Variants in RNF169 observed in about 807,000 individuals in gnomAD.
RNF169 encodes the protein ring finger protein 169, also known as E3 ubiquitin-protein ligase RNF169.
Under a neutral mutation model 53.9 loss-of-function variants are expected in RNF169, and 24 were observed. The observed-to-expected ratio is 0.45, with a 90% CI of 0.32 to 0.63. RNF169 has a LOEUF of 0.63. RNF169 is among the 20% of genes least tolerant of loss of function. The pLI is 0.04. For synonymous variants in RNF169, 396 were observed against 363.5 expected, an observed-to-expected ratio of 1.09 and a Z score of -1.02; for missense variants, 883 against 906.2, an observed-to-expected ratio of 0.97 and a Z score of 0.33.
At chr11:74,820,621 T>G (rs1308551527) in intron 4 of RNF169, among the ~76,000 whole-genome samples, 1 of 151,816 alleles carries the variant, frequency 6.6e-6, no homozygotes, top group Non-Finnish European at 1.5e-5. Flanking sequence ...GTGTGTGTGT[T>G]TGGGGAGGGA....
At chr11:74,811,328 G>A (rs483615) in intron 3 of RNF169, among the ~76,000 whole-genome samples, 100,398 of 151,478 alleles carry the variant, frequency 0.66, 34,153 homozygotes, top group African/African-American at 0.81. Context: ...TGCAGCCTTA[G>A]CTTCCCAGGC....
chr11:74,811,498 G>A (rs867204701), intron 3 of RNF169, among the ~76,000 whole-genome samples: 1 of 152,146 alleles, frequency 6.6e-6, no homozygotes, highest in African/African-American at 2.4e-5. Flanking sequence ...GCCTCCCAAA[G>A]TGCTGGGATT....
At chr11:74,750,040 A>G (rs888193160) in intron 1 of RNF169, among the ~76,000 whole-genome samples, 3 of 152,180 alleles carry the variant, frequency 2.0e-5, no homozygotes, top group Non-Finnish European at 4.4e-5. Context: ...TTGGGTTTAA[A>G]AGTTTTGGAA....
At chr11:74,762,317 C>T (rs1396894078) in intron 1 of RNF169, among the ~76,000 whole-genome samples, 1 of 151,816 alleles carries the variant, frequency 6.6e-6, no homozygotes, top group African/African-American at 2.4e-5. Flanking sequence ...CAAAATCATT[C>T]TCCATCCAGC....
intron 3 of RNF169, among the ~76,000 whole-genome samples, chr11:74,814,640 C>T (rs932010488): frequency 6.6e-6 from 1 of 152,078 alleles, no homozygotes; most frequent in Non-Finnish European, 1.5e-5. Flanking sequence ...ATCCACCCAT[C>T]TCAGCCTCAC....
chr11:74,765,806 C>CA (rs35483204), intron 1 of RNF169, among the ~76,000 whole-genome samples: 2,148 of 108,746 alleles, frequency 0.02, 20 homozygotes, highest in South Asian at 0.063. Context: ...GGCAACATCT[C>CA]AAAAAAAAAA....
intron 1 of RNF169, among the ~76,000 whole-genome samples, chr11:74,769,826 C>G (rs1330018938): frequency 6.6e-6 from 1 of 152,204 alleles, no homozygotes; most frequent in Non-Finnish European, 1.5e-5. Flanking sequence ...AACAAGGTCT[C>G]CCTCTGACAT....
intron 1 of RNF169, among the ~76,000 whole-genome samples, chr11:74,767,631 G>A (rs543037876): frequency 2.2e-3 from 331 of 151,988 alleles, no homozygotes; most frequent in Non-Finnish European, 4.1e-3. Context: ...GTGCAGTGGC[G>A]CGATCTTGGC....
Position 74,841,119 on chromosome 11 carries a change from A to G in RNF169, c.*4389A>G, listed in dbSNP as rs976915203. On this transcript the variant is annotated 3_prime_UTR_variant, in exon 6 of 6. Coordinates refer to ENST00000299563, the MANE Select transcript of RNF169 (RefSeq NM_001098638.2). Reference sequence around the variant, plus strand: ...ATTGGAATAATTTTAATTAAATTTAATGATTTTAATTAAGAATTAAAAGCC... The same window carrying G: ...ATTGGAATAATTTTAATTAAATTTAGTGATTTTAATTAAGAATTAAAAGCC... 1.3e-5 allele frequency: 2 copies of G among 152,188 alleles called. No homozygotes were observed. The highest frequency in any genetic ancestry group is 1.3e-4 in the Admixed American group (2 of 15,282). The allele number at this position is 152,188 out of a possible 1,614,324, so 9.4% of individuals were successfully genotyped here. A position where few individuals can be genotyped will look rare whatever the true frequency, so the allele number is the denominator to read the frequency against.
At chr11:74,761,873 C>T (rs1319327797) in intron 1 of RNF169, among the ~76,000 whole-genome samples, 1 of 147,752 alleles carries the variant, frequency 6.8e-6, no homozygotes, top group African/African-American at 2.5e-5. Context: ...TGGGGAAGTT[C>T]TCCTGGATAA....
At chr11:74,811,838 C>T (rs1397868161) in intron 3 of RNF169, among the ~76,000 whole-genome samples, 1 of 152,136 alleles carries the variant, frequency 6.6e-6, no homozygotes, top group African/African-American at 2.4e-5. Context: ...AAAATAAGCT[C>T]TATGATGGTC....
chr11:74,806,016 A>G lies in RNF169; in HGVS notation c.577-4168A>G, dbSNP rs555398974. Among the ~76,000 whole-genome samples, 6 of 152,282 alleles carry G rather than the reference A, an allele frequency of 3.9e-5. No homozygotes were observed. The East Asian group carries it at 9.6e-4, about 24-fold the overall frequency. ...AAGCTTCTGTGTGAGAGGGAGAAGA[A>G]GTATACATGTATATATATACACACA... On this transcript the variant is annotated intron_variant, in intron 2 of 5. Coordinates refer to ENST00000299563, the MANE Select transcript of RNF169 (RefSeq NM_001098638.2).
intron 1 of RNF169, among the ~76,000 whole-genome samples, chr11:74,750,268 G>GT (rs1334519434): frequency 1.3e-5 from 2 of 152,146 alleles, no homozygotes; most frequent in African/African-American, 2.4e-5. Context: ...GACACACCCA[G>GT]TCAACATAAC....
chr11:74,790,922 A>G (rs1482108324), intron 2 of RNF169, among the ~76,000 whole-genome samples: 1 of 152,200 alleles, frequency 6.6e-6, no homozygotes, highest in Non-Finnish European at 1.5e-5. Flanking sequence ...CTTGTTGCCC[A>G]CAACATGGTG....
In RNF169 at chr11:74,782,673, A is replaced by G. The variant is rs115083542; in HGVS notation, c.503-6953A>G. On this transcript the variant is annotated intron_variant, in intron 1 of 5. Coordinates refer to ENST00000299563, the MANE Select transcript of RNF169 (RefSeq NM_001098638.2). ...TGGTATAGCATCAACTCTTCTGATT[A>G]CAGAAAATTGTCTCTGTGTATTTAA... Among the ~76,000 whole-genome samples, 1,126 of 152,314 alleles carry G rather than the reference A, an allele frequency of 7.4e-3. 11 individuals carry two copies. Among genetic ancestry groups the G allele is most frequent in the African/African-American group, 0.026 (1,070 of 41,566 alleles).
rs2036269466 is a variant in RNF169 at position 74,837,139 on chromosome 11, G to C, written c.*409G>C. 1.3e-5 allele frequency: 2 copies of C among 158,224 alleles called. No individual in the cohort carries two copies. The highest frequency in any genetic ancestry group is 1.4e-5 in the Non-Finnish European group (1 of 72,058). 9.8% of individuals were successfully genotyped at this position (158,224 alleles called of 1,614,324 possible). ...TTAATTCCATCTTTTTCAGACAAGT[G>C]AACAATTTAGTTCCTTGGCAGATCC... On this transcript the variant is annotated 3_prime_UTR_variant, in exon 6 of 6. Transcript: ENST00000299563.
At chr11:74,783,845 A>G (rs144763565) in intron 1 of RNF169, among the ~76,000 whole-genome samples, 57 of 152,310 alleles carry the variant, frequency 3.7e-4, no homozygotes, top group African/African-American at 1.3e-3. Flanking sequence ...AGCAGTAACA[A>G]TTGTTTTATT....
At chr11:74,813,582 A>C (rs1050745131) in intron 3 of RNF169, among the ~76,000 whole-genome samples, 2 of 152,276 alleles carry the variant, frequency 1.3e-5, no homozygotes, top group African/African-American at 2.4e-5. Context: ...ATCCTTATAG[A>C]TATGTACCAT....
intron 2 of RNF169, among the ~76,000 whole-genome samples, chr11:74,806,192 C>T (rs1284989542): frequency 2.0e-5 from 3 of 152,138 alleles, no homozygotes; most frequent in Non-Finnish European, 4.4e-5. Flanking sequence ...TATCAATAGA[C>T]ACTTCATAAA....
Sources: gnomAD v4.1 joint callset for allele counts (sites outside exome capture counted in the v4.1 genomes callset) on GRCh38, gnomAD v4.1.1 for gene constraint, MANE v1.5 for transcripts, NCBI Gene and HGNC (gene_info 2026-07-23, HGNC 2026-07-21) for gene names.